THSD4: variants seen among roughly 807,000 people sequenced by gnomAD.
THSD4 encodes thrombospondin type 1 domain containing 4.
THSD4 carries 69 observed loss-of-function variants against 119.0 expected under a neutral mutation model. The observed-to-expected ratio is 0.58, with a 90% CI of 0.48 to 0.71. The LOEUF (loss-of-function observed/expected upper bound fraction) is 0.71. Among genes scored for constraint, THSD4 ranks in the 30% least tolerant of loss-of-function variants. The pLI is 0.00. For missense variants in THSD4, 1,393 were observed against 1,391.1 expected (o/e 1.00, Z -0.02); for synonymous variants, 524 against 540.4 (o/e 0.97, Z 0.42).
intron 7 of THSD4, among the ~76,000 whole-genome samples, chr15:71,548,097 G>GT (rs11397800): frequency 0.1 from 15,167 of 145,642 alleles, 989 homozygotes; most frequent in Non-Finnish European, 0.14. Flanking sequence ...GTTGGGTACA[G>GT]TTTTTTTTTT....
At chr15:71,233,262 T>G (rs1567164408) in intron 4 of THSD4, among the ~76,000 whole-genome samples, 3 of 152,224 alleles carry the variant, frequency 2.0e-5, no homozygotes, top group African/African-American at 7.2e-5. Flanking sequence ...TCTGCATATT[T>G]AGGCGTTAAG....
chr15:71,140,277 C>T (rs1324728439), intron 1 of THSD4, among the ~76,000 whole-genome samples: 1 of 152,072 alleles, frequency 6.6e-6, no homozygotes, highest in Admixed American at 6.6e-5. Flanking sequence ...CTGGTGAGGA[C>T]CTCAGGAAGC....
At chr15:71,530,491 A>C (rs7165479) in intron 7 of THSD4, among the ~76,000 whole-genome samples, 63,312 of 152,000 alleles carry the variant, frequency 0.42, 13,902 homozygotes, top group Non-Finnish European at 0.5. Context: ...TTTGGGTGTG[A>C]GTTTTTATGA....
chr15:71,492,107 CTG>C (rs964303636), intron 7 of THSD4, among the ~76,000 whole-genome samples: 9 of 137,214 alleles, frequency 6.6e-5, no homozygotes, highest in Middle Eastern at 4.0e-3. Context: ...TCTCGGTGGT[CTG>C]TGAGATGTAT....
At chr15:71,107,603 T>C (rs968329013) in intron 1 of THSD4, among the ~76,000 whole-genome samples, 1 of 152,176 alleles carries the variant, frequency 6.6e-6, no homozygotes, top group African/African-American at 2.4e-5. Flanking sequence ...AGGAGAAGTT[T>C]GTATCTTAAT....
At chr15:71,614,820 T>G (rs932560108) in intron 7 of THSD4, among the ~76,000 whole-genome samples, 11 of 152,140 alleles carry the variant, frequency 7.2e-5, no homozygotes, top group African/African-American at 2.7e-4. Context: ...TACTTCCTTC[T>G]TTTGAAGGAG....
At chr15:71,111,725 A>G (rs1261823236), upstream of THSD4, 1 of 523,304 alleles carries the variant, frequency 1.9e-6, no homozygotes, top group Non-Finnish European at 3.4e-6. Context: ...GTCCATTTTC[A>G]TCCCACTTCC....
Position 71,749,697 on chromosome 15 carries a change from TTTTATTTATTTA to T in THSD4, c.2415+1131_2415+1142del, listed in dbSNP as rs71131703. On this transcript the variant is annotated intron_variant, in intron 14 of 17. Transcript: ENST00000261862. ...TTTTAATATTTTTATATTTTTAAAT[TTTTATTTATTTA>T]TTTATTTATTTATTTATTTATTTAT... 6.8e-3 allele frequency among the ~76,000 whole-genome samples: 933 copies of T among 137,652 alleles called. 16 individuals are homozygous for T. The highest frequency in any genetic ancestry group is 0.022 in the East Asian group (104 of 4,776). 90.3% of individuals were successfully genotyped at this position (137,652 alleles called of 152,430 possible).
rs1024210093 is a variant in THSD4 at position 71,662,775 on chromosome 15, G to A, written c.1357+2041G>A. ...ATCTTCACCTTATAAGTAGTCATGC[G>A]ATTCAATAGGATACAGATATTTCAG... On this transcript the variant is annotated intron_variant, in intron 8 of 17. Transcript: ENST00000261862. Among the ~76,000 whole-genome samples the A allele has an allele frequency of 5.3e-5, 8 of 152,210 alleles. No homozygotes were observed. In the East Asian group the frequency reaches 7.7e-4, roughly 15 times the overall value.
chr15:71,740,885 T>G (rs1027614), intron 11 of THSD4, among the ~76,000 whole-genome samples: 8,825 of 151,974 alleles, frequency 0.058, 270 homozygotes, highest in South Asian at 0.12. Flanking sequence ...CAGGTAGGCA[T>G]TTCATCCTTG....
At chr15:71,111,975 G>T (rs2040308372), upstream of THSD4, 7 of 789,610 alleles carry the variant, frequency 8.9e-6, no homozygotes, top group Non-Finnish European at 1.2e-5. Flanking sequence ...GTGCTTATAA[G>T]TAAGAAAACT....
intron 1 of THSD4, among the ~76,000 whole-genome samples, chr15:71,098,490 C>T (rs1487240414): frequency 6.6e-6 from 1 of 152,094 alleles, no homozygotes; most frequent in African/African-American, 2.4e-5. Context: ...TCTTAAATTG[C>T]TGGGCTCAAG....
At chr15:71,258,627 T>A (rs1311780677) in intron 6 of THSD4, among the ~76,000 whole-genome samples, 4 of 152,214 alleles carry the variant, frequency 2.6e-5, no homozygotes, top group African/African-American at 9.7e-5. Flanking sequence ...CCCAATTAGC[T>A]ATGTCTTACA....
rs531676204 is a variant in THSD4 at position 71,783,211 on chromosome 15, A to G, written c.*5837A>G. Reference sequence around the variant, plus strand: ...GTCTGTTTTCTCTTCAGCAAAAATGACTATTTTTGTGTGTGACTAATTTAT... The same window carrying G: ...GTCTGTTTTCTCTTCAGCAAAAATGGCTATTTTTGTGTGTGACTAATTTAT... On this transcript the variant is annotated 3_prime_UTR_variant, in exon 18 of 18. Transcript: ENST00000261862. 3.9e-5 allele frequency: 6 copies of G among 152,320 alleles called. No homozygotes were observed. Among genetic ancestry groups the G allele is most frequent in the African/African-American group, 1.4e-4 (6 of 41,574 alleles). 9.4% of individuals were successfully genotyped at this position (152,320 alleles called of 1,614,324 possible).
At chr15:71,329,217 C>T (rs902457227) in intron 6 of THSD4, among the ~76,000 whole-genome samples, 2 of 152,076 alleles carry the variant, frequency 1.3e-5, no homozygotes, top group Non-Finnish European at 2.9e-5. Flanking sequence ...AGGTTGTATC[C>T]ATCATTATGG....
intron 3 of THSD4, among the ~76,000 whole-genome samples, chr15:71,158,066 G>A (rs1051757615): frequency 8.1e-5 from 12 of 149,010 alleles, no homozygotes; most frequent in African/African-American, 2.7e-4. Context: ...TCCTACTGTT[G>A]TTCATGGTGG....
chr15:71,111,628 C>T (rs1457101846), upstream of THSD4: 1 of 583,420 alleles, frequency 1.7e-6, no homozygotes, highest in Non-Finnish European at 3.0e-6. Flanking sequence ...AAGTTTACAA[C>T]CAGGAAAATG....
chr15:71,216,259 G>A (rs4776540), intron 4 of THSD4, among the ~76,000 whole-genome samples: 152,378 of 152,386 alleles, frequency 1, 76,185 homozygotes, highest in Middle Eastern at 1. Flanking sequence ...TAAGAAATGC[G>A]TAATTCATTT....
intron 3 of THSD4, among the ~76,000 whole-genome samples, chr15:71,210,075 T>G (rs999820393): frequency 6.6e-6 from 1 of 152,232 alleles, no homozygotes; most frequent in African/African-American, 2.4e-5. Context: ...TAAAGTCATT[T>G]AAACGCTATC....
Sources: allele counts gnomAD v4.1 joint callset (sites outside exome capture counted in the v4.1 genomes callset), GRCh38; gene constraint gnomAD v4.1.1; transcripts MANE v1.5; gene names NCBI Gene and HGNC (gene_info 2026-07-23, HGNC 2026-07-21).